The following PPARG variants were observed in gnomAD, a reference collection of about 807,000 sequenced individuals.
The protein encoded by PPARG is peroxisome proliferator-activated receptor gamma.
Under a neutral mutation model 39.2 loss-of-function variants are expected in PPARG, and 17 were observed. The ratio of observed to expected loss-of-function variants is 0.43; its 90% CI spans 0.30 to 0.65. The LOEUF (loss-of-function observed/expected upper bound fraction) is 0.65, where lower values mean the gene tolerates loss of function less well. Among genes scored for constraint, PPARG ranks in the 30% least tolerant of loss-of-function variants. PPARG has a pLI of 0.13. For synonymous variants in PPARG, 223 were observed against 215.7 expected (o/e 1.03, Z -0.30); for missense variants, 406 against 585.9 (o/e 0.69, Z 3.17).
intron 2 of PPARG, among the ~76,000 whole-genome samples, chr3:12,338,834 A>G (rs1450210143): frequency 2.6e-5 from 4 of 152,236 alleles, no homozygotes; most frequent in Non-Finnish European, 4.4e-5. Flanking sequence ...CACTAACCTT[A>G]GACAACTAAA....
intron 1 of PPARG, among the ~76,000 whole-genome samples, chr3:12,299,185 T>C (rs1211264095): frequency 6.6e-6 from 1 of 152,186 alleles, no homozygotes; most frequent in Non-Finnish European, 1.5e-5. Context: ...TTGAGCCACT[T>C]ATTTGTGCCA....
intron 2 of PPARG, among the ~76,000 whole-genome samples, chr3:12,326,435 G>A (rs187935152): frequency 5.3e-5 from 8 of 152,230 alleles, no homozygotes; most frequent in Admixed American, 2.6e-4. Flanking sequence ...TACATCTCTG[G>A]TTAATGTTCT....
intron 7 of PPARG, among the ~76,000 whole-genome samples, chr3:12,422,537 C>T (rs1328711958): frequency 2.0e-5 from 3 of 151,990 alleles, no homozygotes; most frequent in South Asian, 4.2e-4. Flanking sequence ...AGTTCTTTGG[C>T]GGTTATCAAA....
chr3:12,407,538 C>T (rs2050716089), intron 6 of PPARG, among the ~76,000 whole-genome samples: 1 of 152,188 alleles, frequency 6.6e-6, no homozygotes, highest in Non-Finnish European at 1.5e-5. Context: ...GTAAGAACTG[C>T]AGAACACACT....
chr3:12,287,851 G>A (rs2046543533), upstream of PPARG: 1 of 97,044 alleles, frequency 1.0e-5, no homozygotes, highest in Non-Finnish European at 2.3e-5. Context: ...CCCCCAGCCG[G>A]CGCCCGCGCC....
intron 2 of PPARG, among the ~76,000 whole-genome samples, chr3:12,342,355 A>G (rs77138616): frequency 1.4e-3 from 209 of 152,334 alleles, no homozygotes; most frequent in African/African-American, 4.9e-3. Flanking sequence ...TGCTAGATTT[A>G]AAACAGCTTA....
chr3:12,298,143 C>T (rs533526097), intron 1 of PPARG, among the ~76,000 whole-genome samples: 1 of 149,146 alleles, frequency 6.7e-6, no homozygotes, highest in East Asian at 2.0e-4. Flanking sequence ...ACTAAAAATA[C>T]AAAAAATTAG....
chr3:12,288,425 C>T (rs1030154171), upstream of PPARG, among the ~76,000 whole-genome samples: 4 of 151,578 alleles, frequency 2.6e-5, no homozygotes, highest in Admixed American at 6.6e-5. Context: ...GACAGCCCCC[C>T]TCGGGAGAGC....
At chr3:12,408,313 A>G (rs2050745342) in intron 6 of PPARG, among the ~76,000 whole-genome samples, 1 of 152,244 alleles carries the variant, frequency 6.6e-6, no homozygotes, top group African/African-American at 2.4e-5. Context: ...TCAAATTACA[A>G]AAGTCCTTGA....
At position 12,434,040 on chromosome 3, in the gene PPARG, A is replaced by G. The variant is rs778313158; in HGVS notation, c.1323A>G (p.Arg441=). ...TGCTCCAGAAAATGACAGACCTCAGACAGATTGTCACGGAACACGTGCAGC... is the reference window on the plus strand; with the variant it reads ...TGCTCCAGAAAATGACAGACCTCAGGCAGATTGTCACGGAACACGTGCAGC... The part of the protein sequence containing the change: ...AKLLQKMTDL[R]QIVTEHVQLL... The change falls in exon 8 of 8, where the codon AGA becomes AGG. Residue 441 remains arginine (R), a synonymous_variant. Coordinates refer to ENST00000651735, the MANE Select transcript of PPARG (RefSeq NM_138711.6). The surrounding 1 kb of genome is among the most constrained non-coding windows in gnomAD (Gnocchi z 4.2). 2.5e-6 allele frequency: 4 copies of G among 1,614,190 alleles called. No homozygotes were observed. Among genetic ancestry groups the G allele is most frequent in the Non-Finnish European group, 2.5e-6 (3 of 1,180,038 alleles).
At chr3:12,302,006 C>T (rs971915060) in intron 1 of PPARG, among the ~76,000 whole-genome samples, 1 of 152,076 alleles carries the variant, frequency 6.6e-6, no homozygotes, top group Non-Finnish European at 1.5e-5. Context: ...TTATCATCTG[C>T]GTGAGCCAAG....
In PPARG at chr3:12,328,795, G is replaced by C. The variant is rs2047766225; in HGVS notation, c.-9+16342G>C. ...TCAGCTTTCAGGCCTACATGTAGCA[G>C]ACAGAAGAGGAAGAAAGAACAGACG... On this transcript the variant is annotated intron_variant, in intron 2 of 7. Coordinates refer to ENST00000651735, the MANE Select transcript of PPARG (RefSeq NM_138711.6). 2.0e-5 allele frequency among the ~76,000 whole-genome samples: 3 copies of C among 152,214 alleles called. No individual in the cohort carries two copies. The South Asian group carries it at 6.2e-4, about 31-fold the overall frequency.
chr3:12,356,008 T>C (rs1046816034), intron 2 of PPARG, among the ~76,000 whole-genome samples: 12 of 152,172 alleles, frequency 7.9e-5, no homozygotes, highest in African/African-American at 2.7e-4. Context: ...ACAGAGGAAA[T>C]CTGAGCAAAG....
chr3:12,320,599 G>A (rs1264382725), intron 2 of PPARG, among the ~76,000 whole-genome samples: 1 of 152,194 alleles, frequency 6.6e-6, no homozygotes, highest in African/African-American at 2.4e-5. Flanking sequence ...TGGGAGGCCA[G>A]GTGGGTGGGT....
intron 5 of PPARG, among the ~76,000 whole-genome samples, chr3:12,403,546 GGGT>G (rs2050554019): frequency 6.6e-6 from 1 of 151,964 alleles, no homozygotes; most frequent in Non-Finnish European, 1.5e-5. Flanking sequence ...TGTACAGACA[GGGT>G]CTCTCTATGT....
chr3:12,380,952 G>A (rs778575711), intron 3 of PPARG, among the ~76,000 whole-genome samples: 10 of 152,116 alleles, frequency 6.6e-5, no homozygotes, highest in Non-Finnish European at 1.3e-4. Flanking sequence ...TAAATAAAAT[G>A]TATAATTTAA....
chr3:12,314,056 C>T (rs1041684545), intron 2 of PPARG, among the ~76,000 whole-genome samples: 5 of 152,108 alleles, frequency 3.3e-5, no homozygotes, highest in Admixed American at 2.0e-4. Flanking sequence ...GTGGGCGGAT[C>T]ATTTGAGGTC....
chr3:12,340,601 A>T (rs947932007), intron 2 of PPARG, among the ~76,000 whole-genome samples: 9 of 152,198 alleles, frequency 5.9e-5, no homozygotes, highest in African/African-American at 1.9e-4. Context: ...CTTACTTCCT[A>T]GAGGTATCTG....
At chr3:12,420,297 T>C (rs2051217830) in intron 7 of PPARG, among the ~76,000 whole-genome samples, 2 of 152,350 alleles carry the variant, frequency 1.3e-5, no homozygotes, top group Admixed American at 1.3e-4. Context: ...ACCTCCCCGA[T>C]TGTGCTTCCT....
Sources: allele counts gnomAD v4.1 joint callset (sites outside exome capture counted in the v4.1 genomes callset), GRCh38; gene constraint gnomAD v4.1.1; non-coding constraint Gnocchi (gnomAD v3.1); transcripts MANE v1.5; gene names NCBI Gene and HGNC (gene_info 2026-07-23, HGNC 2026-07-21).